WDR76: variants seen among roughly 807,000 people sequenced by gnomAD.
WDR76 encodes the protein WD repeat domain 76, also known as WD repeat-containing protein 76.
Under a neutral mutation model 70.2 loss-of-function variants are expected in WDR76, and 52 were observed. The observed-to-expected ratio is 0.74, with a 90% CI of 0.59 to 0.93. The LOEUF is 0.93. Ranked by LOEUF, WDR76 falls within the 40% of genes least tolerant of loss-of-function variation. The probability of loss-of-function intolerance (pLI) is 0.00; values close to 1 mark genes in which losing one functional copy is unlikely to be tolerated. For missense variants in WDR76, 756 were observed against 760.2 expected (o/e 0.99, Z 0.07); for synonymous variants, 292 against 271.1 (o/e 1.08, Z -0.76).
intron 10 of WDR76, among the ~76,000 whole-genome samples, chr15:43,858,164 C>T (rs2087953143): frequency 6.6e-6 from 1 of 151,862 alleles, no homozygotes; most frequent in Non-Finnish European, 1.5e-5. Context: ...AACTCCTGAC[C>T]CTGTGATCCA....
intron 12 of WDR76, among the ~76,000 whole-genome samples, chr15:43,862,044 G>A (rs1262679473): frequency 6.6e-6 from 1 of 151,500 alleles, no homozygotes; most frequent in African/African-American, 2.4e-5. Flanking sequence ...CATCATGTTG[G>A]TCAGGCTGGT....
intron 5 of WDR76, among the ~76,000 whole-genome samples, chr15:43,841,431 T>C (rs1366983091): frequency 1.3e-5 from 2 of 152,016 alleles, no homozygotes; most frequent in African/African-American, 4.8e-5. Flanking sequence ...TCTGACCTCA[T>C]GATCTGCCCG....
At chr15:43,856,866 C>A (rs898897766) in intron 9 of WDR76, 80 bp from the exon 10 acceptor site, 5 of 1,274,174 alleles carry the variant, frequency 3.9e-6, no homozygotes, top group Non-Finnish European at 5.4e-6. Context: ...TGTTTTATAA[C>A]CCTTTTACCA....
At chr15:43,831,631 G>C (rs2141722144) in intron 2 of WDR76, among the ~76,000 whole-genome samples, 1 of 152,110 alleles carries the variant, frequency 6.6e-6, no homozygotes, top group South Asian at 2.1e-4. Context: ...GTGGAGAAGG[G>C]GTTTCTCCAT....
chr15:43,841,928 T>G (rs999468186), intron 5 of WDR76, among the ~76,000 whole-genome samples: 9 of 152,036 alleles, frequency 5.9e-5, no homozygotes, highest in Admixed American at 5.2e-4. Flanking sequence ...AGTGCAATAG[T>G]GCAGTCTTGG....
Position 43,866,272 on chromosome 15 carries a change from T to G in WDR76, c.1761T>G (p.Phe587Leu). The G allele has an allele frequency of 6.2e-7, 1 of 1,614,152 alleles. No individual in the cohort carries two copies. The highest frequency in any genetic ancestry group is 8.5e-7 in the Non-Finnish European group (1 of 1,180,036). Reference protein sequence around the residue: ...FHETGKRVHSFGGEYLVSVCS... With the variant: ...FHETGKRVHSLGGEYLVSVCS... ...AGACAGGAAAGAGGGTGCATTCGTT[T>G]GGTGGAGAATACCTTGTCTCTGTGT... The change falls in exon 13 of 13, where the codon TTT (phenylalanine) becomes TTG (leucine). Residue 587 changes from phenylalanine (F) to leucine (L), a missense_variant. By Grantham distance (22) the Phe-to-Leu change is conservative. Transcript: ENST00000263795.
At chr15:43,834,981 A>C in intron 2 of WDR76, 80 bp from the exon 3 acceptor site, 1 of 1,185,582 alleles carries the variant, frequency 8.4e-7, no homozygotes, top group Non-Finnish European at 1.2e-6. Context: ...TTCATGTAGA[A>C]AATGAAACAT....
At position 43,842,441 on chromosome 15, in the gene WDR76, A is replaced by T; in HGVS notation, c.759A>T (p.Glu253Asp). ...CTTTGTTACCTCCTGGGCCTTTAGA[A>T]ATGACTTCTGAAAATCAAGAAGACA... ...ETPLLPPGPLEMTSENQEDNN... is the reference protein window; with the variant it reads ...ETPLLPPGPLDMTSENQEDNN... The change falls in exon 6 of 13, where the codon GAA becomes GAT. Residue 253 changes from glutamate (E) to aspartate (D), a missense_variant. Transcript: ENST00000263795. 1.2e-6 allele frequency: 2 copies of T among 1,614,074 alleles called. No homozygotes were observed. The highest frequency in any genetic ancestry group is 1.7e-6 in the Non-Finnish European group (2 of 1,180,006).
chr15:43,851,004 C>A (rs909287059), intron 8 of WDR76, 83 bp from the exon 9 acceptor site: 7 of 1,515,898 alleles, frequency 4.6e-6, no homozygotes, highest in Admixed American at 3.8e-5. Flanking sequence ...AGTGTAAATT[C>A]TTTAATGACA....
intron 2 of WDR76, among the ~76,000 whole-genome samples, chr15:43,831,117 G>A (rs2087582670): frequency 6.6e-6 from 1 of 151,920 alleles, no homozygotes; most frequent in South Asian, 2.1e-4. Flanking sequence ...TGTAATCTGA[G>A]CTACTCGGGA....
rs559281629 is a variant in WDR76, at chr15:43,857,997, C to T, written c.1410-674C>T. Among the ~76,000 whole-genome samples the T allele has an allele frequency of 8.1e-4, 94 of 115,996 alleles. 1 individual carries two copies. The South Asian group carries it at 0.027, about 33-fold the overall frequency. The allele number at this position is 115,996 out of a possible 152,430, so 76.1% of individuals were successfully genotyped here. A position where few individuals can be genotyped will look rare whatever the true frequency, so the allele number is the denominator to read the frequency against. On this transcript the variant is annotated intron_variant, in intron 10 of 12. Transcript: ENST00000263795. ...TTTTTTTTTTTGAGATGGAATCTTA[C>T]TCTCAGCTCACTGCAACCTCCGCCT... is the stretch of plus-strand genomic sequence containing the variant.
At chr15:43,839,091 G>A (rs955552008) in intron 4 of WDR76, among the ~76,000 whole-genome samples, 1 of 152,116 alleles carries the variant, frequency 6.6e-6, no homozygotes, top group African/African-American at 2.4e-5. Flanking sequence ...TAAAAAAATA[G>A]AGAATGTATA....
intron 9 of WDR76, among the ~76,000 whole-genome samples, chr15:43,851,912 A>G (rs999611673): frequency 6.6e-6 from 1 of 152,036 alleles, no homozygotes; most frequent in Non-Finnish European, 1.5e-5. Flanking sequence ...TCTAAAAAAA[A>G]TTAGCTTGGT....
At chr15:43,854,499 G>A (rs761784692) in intron 9 of WDR76, among the ~76,000 whole-genome samples, 3 of 152,164 alleles carry the variant, frequency 2.0e-5, no homozygotes, top group Non-Finnish European at 2.9e-5. Flanking sequence ...GAACCTGGAA[G>A]GGTGAGGCTC....
Position 43,866,293 on chromosome 15 carries a change from T to C in WDR76, c.1782T>C (p.Ser594=). Residue 594 remains serine, a synonymous_variant, in exon 13 of 13, where the codon TCT becomes TCC. Coordinates refer to ENST00000263795, the MANE Select transcript of WDR76 (RefSeq NM_024908.4). ...VHSFGGEYLV[S]VCSINAMHPT... ...CGTTTGGTGGAGAATACCTTGTCTC[T>C]GTGTGTTCCATCAATGCCATGCACC... 6.2e-7 allele frequency: 1 copy of C among 1,614,126 alleles called. No individual in the cohort carries two copies. Among genetic ancestry groups the C allele is most frequent in the Non-Finnish European group, 8.5e-7 (1 of 1,180,012 alleles).
At chr15:43,841,252 G>C (rs1186227313) in intron 5 of WDR76, among the ~76,000 whole-genome samples, 1 of 149,192 alleles carries the variant, frequency 6.7e-6, no homozygotes, top group Non-Finnish European at 1.5e-5. Context: ...GCCCAGGCTG[G>C]AGTGCGGTGC....
At chr15:43,832,608 G>C (rs1209728373) in intron 2 of WDR76, among the ~76,000 whole-genome samples, 1 of 151,790 alleles carries the variant, frequency 6.6e-6, no homozygotes, top group Non-Finnish European at 1.5e-5. Flanking sequence ...ACCATGCCTG[G>C]GTAATTTTTG....
At chr15:43,846,804 C>T (rs1337383001) in intron 8 of WDR76, among the ~76,000 whole-genome samples, 1 of 151,902 alleles carries the variant, frequency 6.6e-6, no homozygotes, top group Non-Finnish European at 1.5e-5. Context: ...TGGCGGATCA[C>T]CTGAGGTCTG....
At chr15:43,833,320 C>CTTTTTTTTTTT (rs572785012) in intron 2 of WDR76, among the ~76,000 whole-genome samples, 1 of 134,208 alleles carries the variant, frequency 7.5e-6, no homozygotes, top group Non-Finnish European at 1.7e-5. Context: ...CTTTTCTTTT[C>CTTTTTTTTTTT]TTTTTTTTTT....
Sources: gnomAD v4.1 joint callset for allele counts (sites outside exome capture counted in the v4.1 genomes callset) on GRCh38, gnomAD v4.1.1 for gene constraint, MANE v1.5 for transcripts, NCBI Gene and HGNC (gene_info 2026-07-23, HGNC 2026-07-21) for gene names.